The following SEMA5A variants were observed in gnomAD, a reference collection of about 807,000 sequenced individuals.
SEMA5A encodes semaphorin-5A.
In SEMA5A, 55 loss-of-function variants were observed where a neutral mutation model predicts 135.5. The observed-to-expected ratio is 0.41, with a 90% CI of 0.33 to 0.51. The LOEUF is 0.51. SEMA5A is among the 20% of genes least tolerant of loss of function. SEMA5A has a pLI of 0.37. For missense variants in SEMA5A, 1,290 were observed against 1,419.9 expected, an observed-to-expected ratio of 0.91 and a Z score of 1.47; for synonymous variants, 580 against 546.5, an observed-to-expected ratio of 1.06 and a Z score of -0.85.
rs560144603 is a variant in SEMA5A, at chr5:9,239,390, A to T, written c.271-1500T>A. ...TTTGAATTCCATACCAGGATGACAA[A>T]TATTTTCATGAAAAGCAATGACACC... On this transcript the variant is annotated intron_variant, in intron 5 of 22. Transcript: ENST00000382496. Among the ~76,000 whole-genome samples the T allele has an allele frequency of 2.6e-5, 4 of 152,290 alleles. No individual in the cohort carries two copies. The South Asian group carries it at 6.2e-4, about 24-fold the overall frequency.
At position 9,379,890 on chromosome 5, in the gene SEMA5A, G is replaced by T. The variant is rs374141310; in HGVS notation, c.57C>A (p.Leu19=). The T allele has an allele frequency of 2.5e-6, 4 of 1,613,924 alleles. No homozygotes were observed. In the African/African-American group the frequency reaches 5.3e-5, roughly 22 times the overall value. Residue 19 remains leucine, a synonymous_variant, in exon 3 of 23, where the codon CTC becomes CTA. Transcript: ENST00000382496. ...TCGTACCCTGGGCCTCTGGGTGGGC[G>T]AGTCTCCACAGCCCCAGGCTTGAGA... ...WLFSSLGLWR[L]AHPEAQGTTQ...
chr5:9,208,155 CA>C (rs1208543580), intron 8 of SEMA5A, among the ~76,000 whole-genome samples: 1 of 152,174 alleles, frequency 6.6e-6, no homozygotes, highest in Non-Finnish European at 1.5e-5. Context: ...CATCAAAATA[CA>C]GACCTCTATT....
At chr5:9,530,906 T>G (rs933911698) in intron 1 of SEMA5A, among the ~76,000 whole-genome samples, 1 of 152,146 alleles carries the variant, frequency 6.6e-6, no homozygotes, top group Non-Finnish European at 1.5e-5. Flanking sequence ...CAGGGAAGCC[T>G]CCTTAGAAGT....
intron 16 of SEMA5A, 105 bp downstream of exon 16, chr5:9,108,035 T>C (rs1740015775): frequency 1.4e-6 from 2 of 1,394,558 alleles, no homozygotes; most frequent in Non-Finnish European, 9.7e-7. Flanking sequence ...GTGCAGAACA[T>C]TTATTGTTTG....
intron 12 of SEMA5A, among the ~76,000 whole-genome samples, chr5:9,138,038 G>C (rs1350900503): frequency 6.6e-6 from 1 of 152,156 alleles, no homozygotes; most frequent in African/African-American, 2.4e-5. Context: ...TAGGTAGTAA[G>C]TTATTATACA....
intron 8 of SEMA5A, among the ~76,000 whole-genome samples, chr5:9,221,441 T>C (rs1746969776): frequency 6.7e-6 from 1 of 149,930 alleles, no homozygotes; most frequent in African/African-American, 2.4e-5. Flanking sequence ...TAGCTGGGAC[T>C]ACAGGCGCCC....
intron 5 of SEMA5A, among the ~76,000 whole-genome samples, chr5:9,285,388 A>G (rs544012378): frequency 1.0e-3 from 153 of 152,332 alleles, no homozygotes; most frequent in African/African-American, 3.5e-3. Flanking sequence ...ACCCGCCAAG[A>G]CAGTGGCCTT....
intron 6 of SEMA5A, among the ~76,000 whole-genome samples, chr5:9,235,535 CT>C (rs1747857327): frequency 6.7e-6 from 1 of 150,288 alleles, no homozygotes; most frequent in African/African-American, 2.4e-5. Flanking sequence ...AGTGGAACAT[CT>C]TTAAACGCTC....
intron 17 of SEMA5A, among the ~76,000 whole-genome samples, chr5:9,065,532 G>A (rs913411477): frequency 6.6e-6 from 1 of 152,220 alleles, no homozygotes; most frequent in Non-Finnish European, 1.5e-5. Flanking sequence ...GGGAGAATAA[G>A]GTAGAATCAC....
chr5:9,303,686 A>G (rs1751725430), intron 5 of SEMA5A, among the ~76,000 whole-genome samples: 1 of 152,190 alleles, frequency 6.6e-6, no homozygotes, highest in African/African-American at 2.4e-5. Flanking sequence ...CCAAATATAT[A>G]TGTACAGAAG....
intron 14 of SEMA5A, 44 bp from the exon 15 acceptor site, chr5:9,119,185 A>T (rs1216358533): frequency 6.3e-7 from 1 of 1,598,516 alleles, no homozygotes; most frequent in Non-Finnish European, 8.5e-7. Context: ...CCGCAGGCTC[A>T]GAGTCCAAGC....
chr5:9,216,252 C>A (rs868686948), intron 8 of SEMA5A, among the ~76,000 whole-genome samples: 1 of 152,110 alleles, frequency 6.6e-6, no homozygotes, highest in African/African-American at 2.4e-5. Flanking sequence ...ACAAAAGTCA[C>A]CCAGGAGCAT....
rs1430512064 is a variant in SEMA5A at position 9,154,718 on chromosome 5, A to T, written c.1274-23T>A. The T allele has an allele frequency of 1.9e-6, 3 of 1,603,044 alleles. No individual in the cohort carries two copies. The African/African-American group carries it at 4.0e-5, about 21-fold the overall frequency. ...AATCTATGAAGGTCACAGGATGAAA[A>T]GGAAACAAGGTCAGAGGGTCTCACA... is the stretch of plus-strand genomic sequence containing the variant. On this transcript the variant is annotated intron_variant, in intron 11 of 22. Transcript: ENST00000382496.
chr5:9,279,680 T>C (rs1020676369), intron 5 of SEMA5A, among the ~76,000 whole-genome samples: 7 of 152,088 alleles, frequency 4.6e-5, no homozygotes, highest in South Asian at 2.1e-4. Flanking sequence ...GTTCTCATGA[T>C]AGTGAGTGAG....
chr5:9,351,158 T>C (rs1182363124), intron 3 of SEMA5A, among the ~76,000 whole-genome samples: 1 of 46,744 alleles, frequency 2.1e-5, no homozygotes, highest in Non-Finnish European at 1.0e-4. Context: ...CAGAATCTCT[T>C]AGGCAGCAAT....
chr5:9,221,492 C>G (rs28654166), intron 8 of SEMA5A, among the ~76,000 whole-genome samples: 2 of 150,410 alleles, frequency 1.3e-5, no homozygotes, highest in South Asian at 2.1e-4. Context: ...TTAGTAGAGA[C>G]GGGGTTTCAC....
chr5:9,063,225 C>T, intron 17 of SEMA5A, 120 bp from the exon 18 acceptor site: 6 of 993,386 alleles, frequency 6.0e-6, no homozygotes, highest in Admixed American at 4.3e-5. Flanking sequence ...TCTCACATTC[C>T]GTTGAGCTCT....
At chr5:9,302,942 T>C (rs1751681720) in intron 5 of SEMA5A, among the ~76,000 whole-genome samples, 1 of 152,118 alleles carries the variant, frequency 6.6e-6, no homozygotes, top group Non-Finnish European at 1.5e-5. Flanking sequence ...CCTTTGCTAG[T>C]GCTATAAGTC....
intron 15 of SEMA5A, among the ~76,000 whole-genome samples, chr5:9,114,384 C>T (rs572998866): frequency 1.9e-4 from 29 of 152,218 alleles, no homozygotes; most frequent in African/African-American, 5.1e-4. Context: ...ATAGTAGTTA[C>T]GGTTATACAA....
Sources: gnomAD v4.1 joint callset for allele counts (sites outside exome capture counted in the v4.1 genomes callset) on GRCh38, gnomAD v4.1.1 for gene constraint, MANE v1.5 for transcripts, NCBI Gene and HGNC (gene_info 2026-07-23, HGNC 2026-07-21) for gene names.